Variants in ZFHX3 observed in about 807,000 individuals in gnomAD.
ZFHX3 encodes zinc finger homeobox 3.
A neutral mutation model predicts 279.1 loss-of-function variants in ZFHX3; 42 were observed. The observed-to-expected ratio is 0.15, with a 90% CI of 0.12 to 0.19. ZFHX3 has a LOEUF of 0.19. ZFHX3 is among the 10% of genes least tolerant of loss of function. The pLI is 1.00. For missense variants in ZFHX3, 4,981 were observed against 4,754.0 expected, an observed-to-expected ratio of 1.05 and a Z score of -1.40; for synonymous variants, 2,293 against 1,957.8, an observed-to-expected ratio of 1.17 and a Z score of -4.52.
At chr16:73,805,731 G>A (rs1024919038) in intron 1 of ZFHX3, among the ~76,000 whole-genome samples, 1 of 152,232 alleles carries the variant, frequency 6.6e-6, no homozygotes, top group African/African-American at 2.4e-5. Flanking sequence ...TCTAGAGCTT[G>A]TATTCTAGTC....
At chr16:73,119,394 A>G (rs1253216416) in intron 7 of ZFHX3, among the ~76,000 whole-genome samples, 1 of 152,198 alleles carries the variant, frequency 6.6e-6, no homozygotes, top group Non-Finnish European at 1.5e-5. Context: ...GGTGTGAGTC[A>G]CCACACTCAG....
chr16:73,065,880 G>A (rs757945080), intron 8 of ZFHX3, among the ~76,000 whole-genome samples: 1 of 152,218 alleles, frequency 6.6e-6, no homozygotes, highest in Admixed American at 6.5e-5. Flanking sequence ...TTTCCGATTC[G>A]TTGGTTTCCC....
intron 2 of ZFHX3, among the ~76,000 whole-genome samples, chr16:73,544,782 C>T (rs888395270): frequency 6.6e-6 from 1 of 152,078 alleles, no homozygotes; most frequent in Non-Finnish European, 1.5e-5. Flanking sequence ...GGAGTCACCT[C>T]CCAGTCCACC....
At chr16:73,577,098 G>A (rs2143816577) in intron 2 of ZFHX3, among the ~76,000 whole-genome samples, 1 of 152,308 alleles carries the variant, frequency 6.6e-6, no homozygotes, top group Middle Eastern at 3.4e-3. Flanking sequence ...TTCTAGGTGT[G>A]ATTGCTGAGT....
At chr16:73,046,132 G>A (rs1176676092) in intron 1 of ZFHX3, among the ~76,000 whole-genome samples, 1 of 152,182 alleles carries the variant, frequency 6.6e-6, no homozygotes, top group African/African-American at 2.4e-5. Context: ...CTGAAAGGGT[G>A]CCTGCAGGGT....
chr16:73,250,692 T>C (rs1346113974), intron 5 of ZFHX3, among the ~76,000 whole-genome samples: 1 of 148,594 alleles, frequency 6.7e-6, no homozygotes, highest in Non-Finnish European at 1.5e-5. Context: ...CGCCACCACG[T>C]CTGGCTAATT....
chr16:73,298,852 G>A (rs1443196189), intron 4 of ZFHX3, among the ~76,000 whole-genome samples: 4 of 152,190 alleles, frequency 2.6e-5, no homozygotes, highest in African/African-American at 4.8e-5. Flanking sequence ...CCTGACGTAA[G>A]GTAAGGTCTC....
chr16:72,937,126 G>A (rs1960165599), intron 3 of ZFHX3, among the ~76,000 whole-genome samples: 1 of 152,152 alleles, frequency 6.6e-6, no homozygotes, highest in Non-Finnish European at 1.5e-5. Context: ...ACCATGCTAA[G>A]CCTGCGGAGT....
At chr16:72,837,789 TA>T (rs1392123757) in intron 4 of ZFHX3, among the ~76,000 whole-genome samples, 1 of 151,442 alleles carries the variant, frequency 6.6e-6, no homozygotes, top group African/African-American at 2.4e-5. Context: ...ATTCTAGAGA[TA>T]GGGGTCTCGC....
intron 2 of ZFHX3, among the ~76,000 whole-genome samples, chr16:73,526,410 C>G (rs1311097255): frequency 2.0e-5 from 3 of 152,192 alleles, no homozygotes; most frequent in Non-Finnish European, 2.9e-5. Flanking sequence ...GCTGTGACCT[C>G]GCCACCCCCA....
chr16:73,290,015 CCACACACACACACACACACACACA>C (rs10564390), intron 4 of ZFHX3, among the ~76,000 whole-genome samples: 3 of 144,314 alleles, frequency 2.1e-5, no homozygotes, highest in African/African-American at 7.4e-5. Context: ...AGAGAAATAA[CCACACACACACACACACACACACA>C]CACACACACA....
intron 3 of ZFHX3, among the ~76,000 whole-genome samples, chr16:73,405,248 T>G (rs1040184868): frequency 6.6e-6 from 1 of 152,234 alleles, no homozygotes; most frequent in Admixed American, 6.5e-5. Flanking sequence ...CTTTCCTGAA[T>G]TTTTTAAATT....
intron 1 of ZFHX3, among the ~76,000 whole-genome samples, chr16:73,868,667 A>C (rs1453416096): frequency 1.3e-5 from 2 of 152,190 alleles, no homozygotes; most frequent in Non-Finnish European, 2.9e-5. Context: ...AACTCCTTAG[A>C]CACTGTAAAA....
At chr16:73,334,294 G>A (rs1196007723) in intron 3 of ZFHX3, among the ~76,000 whole-genome samples, 1 of 152,140 alleles carries the variant, frequency 6.6e-6, no homozygotes, top group Non-Finnish European at 1.5e-5. Context: ...CTGATCCGTG[G>A]GAGGGCCATT....
chr16:72,833,698 C>A (rs73590706), intron 4 of ZFHX3, among the ~76,000 whole-genome samples: 1 of 152,264 alleles, frequency 6.6e-6, no homozygotes, highest in African/African-American at 2.4e-5. Flanking sequence ...TCCCCTAGTC[C>A]CGCCCTGGTT....
At position 72,958,518 on chromosome 16, in the gene ZFHX3, A is replaced by G. The variant is rs1212990035; in HGVS notation, c.1628T>C (p.Leu543Pro). ...SPLMPNVLQT[L>P]SRGTASTSSN... ...ACTAGTAGAAGCTGTGCCCCTCGAC[A>G]GGGTCTGGAGCACGTTAGGCATTAA... The change falls in exon 2 of 10, where the codon CTG (leucine) becomes CCG (proline). Residue 543 changes from leucine to proline, a missense_variant. Physicochemically the swap from Leu to Pro is moderately conservative, Grantham distance 98. Transcript: ENST00000268489. 1.2e-6 allele frequency: 2 copies of G among 1,614,122 alleles called. No individual in the cohort carries two copies. The highest frequency in any genetic ancestry group is 1.7e-6 in the Non-Finnish European group (2 of 1,180,042).
rs888607415 is a variant in ZFHX3, at chr16:73,540,604, G to A, written c.-1546-84346C>T. 2.6e-5 allele frequency among the ~76,000 whole-genome samples: 4 copies of A among 152,188 alleles called. No homozygotes were observed. In the East Asian group the frequency reaches 7.7e-4, roughly 29 times the overall value. On this transcript the variant is annotated intron_variant, in intron 2 of 17. Transcript: ENST00000641206. Reference sequence around the variant, plus strand: ...GAAAATTCCATTCCCTGGCTCCTAAGAAGTTGCATACACAGTTTCCTTTGA... The same window carrying A: ...GAAAATTCCATTCCCTGGCTCCTAAAAAGTTGCATACACAGTTTCCTTTGA...
chr16:73,055,666 C>T (rs1183897732), intron 1 of ZFHX3, among the ~76,000 whole-genome samples: 2 of 148,618 alleles, frequency 1.3e-5, no homozygotes, highest in Admixed American at 6.8e-5. Context: ...GACACCCACA[C>T]GGTGCAGACG....
intron 3 of ZFHX3, among the ~76,000 whole-genome samples, chr16:72,938,675 G>A (rs1340796887): frequency 6.6e-6 from 1 of 152,192 alleles, no homozygotes; most frequent in Admixed American, 6.5e-5. Context: ...TAACCCCAAA[G>A]CACTAAACAC....
Sources: gnomAD v4.1 joint callset for allele counts (sites outside exome capture counted in the v4.1 genomes callset) on GRCh38, gnomAD v4.1.1 for gene constraint, MANE v1.5 for transcripts, NCBI Gene and HGNC (gene_info 2026-07-23, HGNC 2026-07-21) for gene names.